The following MARCHF1 variants were observed in gnomAD, a reference collection of about 807,000 sequenced individuals.
MARCHF1 encodes the protein E3 ubiquitin-protein ligase MARCHF1.
Under a neutral mutation model 54.2 loss-of-function variants are expected in MARCHF1, and 40 were observed. The observed-to-expected ratio is 0.74, with a 90% CI of 0.57 to 0.96. MARCHF1 has a LOEUF of 0.96. MARCHF1 is among the 40% of genes least tolerant of loss of function. MARCHF1 has a pLI of 0.00. For synonymous variants in MARCHF1, 236 were observed against 236.3 expected (o/e 1.00, Z 0.01); for missense variants, 586 against 656.5 (o/e 0.89, Z 1.17).
chr4:164,123,280 G>A (rs973566211), intron 1 of MARCHF1, among the ~76,000 whole-genome samples: 4 of 152,008 alleles, frequency 2.6e-5, no homozygotes, highest in African/African-American at 9.7e-5. Context: ...AATGAAAACT[G>A]TAAAACACTG....
At chr4:164,095,425 C>T (rs1755390171) in intron 2 of MARCHF1, among the ~76,000 whole-genome samples, 1 of 151,922 alleles carries the variant, frequency 6.6e-6, no homozygotes, top group Non-Finnish European at 1.5e-5. Context: ...AACACACACA[C>T]ACACACACAC....
chr4:164,132,526 T>C (rs1399278331), intron 1 of MARCHF1, among the ~76,000 whole-genome samples: 1 of 152,192 alleles, frequency 6.6e-6, no homozygotes, highest in South Asian at 2.1e-4. Flanking sequence ...TTAGTGATCA[T>C]CAACTATAAA....
At chr4:163,664,386 A>G (rs1023093744) in intron 5 of MARCHF1, among the ~76,000 whole-genome samples, 7 of 152,160 alleles carry the variant, frequency 4.6e-5, no homozygotes, top group African/African-American at 1.7e-4. Context: ...TTTTCAAAAA[A>G]AATTCTAAGG....
intron 5 of MARCHF1, among the ~76,000 whole-genome samples, chr4:163,619,243 A>C (rs1323833933): frequency 2.0e-5 from 3 of 152,194 alleles, no homozygotes; most frequent in Admixed American, 6.5e-5. Context: ...GGGTACTAGA[A>C]AGGTCATTTT....
At chr4:164,274,978 G>C (rs1733841418) in intron 1 of MARCHF1, among the ~76,000 whole-genome samples, 1 of 150,264 alleles carries the variant, frequency 6.7e-6, no homozygotes, top group Non-Finnish European at 1.5e-5. Context: ...GCCCGGCCAG[G>C]GTACACTTTT....
intron 1 of MARCHF1, among the ~76,000 whole-genome samples, chr4:164,119,992 A>C (rs1756030896): frequency 6.6e-6 from 1 of 151,914 alleles, no homozygotes; most frequent in African/African-American, 2.4e-5. Context: ...ATTTTTATGA[A>C]GTGAATATAT....
At position 163,884,845 on chromosome 4, in the gene MARCHF1, A is replaced by G. The variant is rs147136551; in HGVS notation, c.-38-30676T>C. On this transcript the variant is annotated intron_variant, in intron 3 of 9. Coordinates refer to ENST00000514618, the MANE Select transcript of MARCHF1 (RefSeq NM_001394959.1). Reference sequence around the variant, plus strand: ...CAGTACTTTAAAAACTGATAAATGAATGGATACCAAAGCTGTTTTACTTTT... The same window carrying G: ...CAGTACTTTAAAAACTGATAAATGAGTGGATACCAAAGCTGTTTTACTTTT... 1.0e-3 allele frequency among the ~76,000 whole-genome samples: 158 copies of G among 152,300 alleles called. 2 individuals are homozygous for G. Among genetic ancestry groups the G allele is most frequent in the African/African-American group, 3.7e-3 (152 of 41,550 alleles).
At chr4:163,935,051 G>A (rs557279533) in intron 3 of MARCHF1, among the ~76,000 whole-genome samples, 9 of 151,964 alleles carry the variant, frequency 5.9e-5, no homozygotes, top group Admixed American at 2.6e-4. Flanking sequence ...CAACAGAATC[G>A]GTGTTGTGTT....
At chr4:164,376,016 G>A (rs574162379) in intron 1 of MARCHF1, among the ~76,000 whole-genome samples, 18 of 152,154 alleles carry the variant, frequency 1.2e-4, no homozygotes, top group Middle Eastern at 3.4e-3. Flanking sequence ...TCACTTTTGC[G>A]TATGTGCACT....
At chr4:163,717,779 G>A (rs1369079840) in intron 4 of MARCHF1, among the ~76,000 whole-genome samples, 2 of 152,068 alleles carry the variant, frequency 1.3e-5, no homozygotes, top group Non-Finnish European at 2.9e-5. Flanking sequence ...GTGTCTGTTG[G>A]CTGCATAAAT....
intron 3 of MARCHF1, among the ~76,000 whole-genome samples, chr4:163,979,110 C>T (rs1283345487): frequency 8.0e-5 from 10 of 125,222 alleles, no homozygotes; most frequent in East Asian, 3.0e-4. Context: ...CATGCTGGTG[C>T]GCTGCACCCA....
intron 1 of MARCHF1, among the ~76,000 whole-genome samples, chr4:164,229,900 T>C (rs1579641623): frequency 6.6e-6 from 1 of 152,028 alleles, no homozygotes; most frequent in Non-Finnish European, 1.5e-5. Flanking sequence ...ACCTCCATGA[T>C]CCAATCACCC....
chr4:163,593,699 A>G (rs1032343411), intron 7 of MARCHF1, among the ~76,000 whole-genome samples: 7 of 152,200 alleles, frequency 4.6e-5, no homozygotes, highest in African/African-American at 7.2e-5. Context: ...TCAAGTTGCC[A>G]TGGATAATTG....
intron 1 of MARCHF1, among the ~76,000 whole-genome samples, chr4:164,192,064 C>T (rs1036973945): frequency 2.6e-5 from 4 of 152,232 alleles, no homozygotes; most frequent in African/African-American, 7.2e-5. Flanking sequence ...GATTGTACCT[C>T]ACTAAGTAAA....
intron 1 of MARCHF1, among the ~76,000 whole-genome samples, chr4:164,344,458 T>TTGTGTGTGTGTG (rs144379635): frequency 1.8e-4 from 26 of 147,978 alleles, no homozygotes; most frequent in African/African-American, 5.4e-4. Context: ...ATGCACGTGT[T>TTGTGTGTGTGTG]TGTGTGTGTG....
intron 5 of MARCHF1, among the ~76,000 whole-genome samples, chr4:163,633,386 CAGAGA>C (rs2111001944): frequency 6.6e-6 from 1 of 152,186 alleles, no homozygotes; most frequent in East Asian, 1.9e-4. Context: ...AAAACCAATA[CAGAGA>C]AGTGCTTAAA....
chr4:164,352,518 A>C (rs1407768307), intron 1 of MARCHF1, among the ~76,000 whole-genome samples: 1 of 142,892 alleles, frequency 7.0e-6, no homozygotes, highest in African/African-American at 2.5e-5. Flanking sequence ...ACTAAGCTTC[A>C]TAAGTGAAGG....
chr4:163,892,132 T>C (rs1213059787), intron 3 of MARCHF1, among the ~76,000 whole-genome samples: 1 of 152,194 alleles, frequency 6.6e-6, no homozygotes, highest in Non-Finnish European at 1.5e-5. Flanking sequence ...TCAACTAGAT[T>C]CACATTTTAA....
In MARCHF1 at chr4:163,613,008, C is replaced by A; in HGVS notation, c.273G>T (p.Glu91Asp). The change falls in exon 7 of 10, where the codon GAG (glutamate) becomes GAT (aspartate). Residue 91 changes from glutamate to aspartate, a missense_variant. Physicochemically the swap from Glu to Asp is conservative, Grantham distance 45 (BLOSUM62 2). Coordinates refer to ENST00000514618, the MANE Select transcript of MARCHF1 (RefSeq NM_001394959.1). ...RSAILHDMSEESFEYCTPVMV... is the reference protein window; with the variant it reads ...RSAILHDMSEDSFEYCTPVMV... ...TGACAGGGGTGCAATACTCAAATGA[C>A]TCTTCTGACATGTCATGCAAGATGG... 1.3e-6 allele frequency: 2 copies of A among 1,518,092 alleles called. No homozygotes were observed. Among genetic ancestry groups the A allele is most frequent in the South Asian group, 2.5e-5 (2 of 80,672 alleles). The allele number at this position is 1,518,092 out of a possible 1,614,324, so 94.0% of individuals were successfully genotyped here.
Sources: allele counts gnomAD v4.1 joint callset (sites outside exome capture counted in the v4.1 genomes callset), GRCh38; gene constraint gnomAD v4.1.1; transcripts MANE v1.5; gene names NCBI Gene and HGNC (gene_info 2026-07-23, HGNC 2026-07-21).